PLCG2: variants seen among roughly 807,000 people sequenced by gnomAD.
PLCG2 encodes 1-phosphatidylinositol 4,5-bisphosphate phosphodiesterase gamma-2.
In PLCG2, 69 loss-of-function variants were observed where a neutral mutation model predicts 175.6. The ratio of observed to expected loss-of-function variants is 0.39; its 90% CI spans 0.32 to 0.48. The LOEUF (loss-of-function observed/expected upper bound fraction) is 0.48, where lower values mean the gene tolerates loss of function less well. Among genes scored for constraint, PLCG2 ranks in the 20% least tolerant of loss-of-function variants. The pLI, the probability that PLCG2 is intolerant of heterozygous loss-of-function variation, is 0.91. For synonymous variants in PLCG2, 827 were observed against 624.0 expected (o/e 1.33, Z -4.85); for missense variants, 1,798 against 1,650.9 (o/e 1.09, Z -1.54).
chr16:81,886,914 C>G (rs894608272), intron 9 of PLCG2, among the ~76,000 whole-genome samples: 1 of 152,148 alleles, frequency 6.6e-6, no homozygotes, highest in African/African-American at 2.4e-5. Context: ...GTGCAATACC[C>G]TACACCAAGT....
chr16:81,885,355 G>A (rs1908308524), intron 9 of PLCG2, among the ~76,000 whole-genome samples: 1 of 152,130 alleles, frequency 6.6e-6, no homozygotes, highest in African/African-American at 2.4e-5. Flanking sequence ...GTAGAAACAG[G>A]ATTTCCCCAT....
At chr16:81,900,458 G>T (rs2143629965) in intron 13 of PLCG2, among the ~76,000 whole-genome samples, 154 bp from the exon 14 acceptor site, 1 of 152,354 alleles carries the variant, frequency 6.6e-6, no homozygotes, top group African/African-American at 2.4e-5. Flanking sequence ...CCCAGGATGA[G>T]GTCCTCTCCT....
chr16:81,919,276 G>A (rs1045270937), intron 19 of PLCG2, among the ~76,000 whole-genome samples: 2 of 152,192 alleles, frequency 1.3e-5, no homozygotes, highest in African/African-American at 2.4e-5. Flanking sequence ...TATTTCTTCT[G>A]AGACACAGAT....
chr16:81,870,730 C>A, intron 6 of PLCG2, 122 bp from the exon 7 acceptor site: 1 of 550,060 alleles, frequency 1.8e-6, no homozygotes, highest in South Asian at 2.6e-5. Context: ...TCATAGCTGT[C>A]TCTTCAGCAT....
Position 81,769,415 on chromosome 16 carries a change from T to G in PLCG2, c.-48+13449T>G, listed in dbSNP as rs192634845. ...CGGATCCCTAGGCCCTGCCCCTACG[T>G]TCTGATTCAGTAAGGCCAATAACTC... is the stretch of plus-strand genomic sequence containing the variant. On this transcript the variant is annotated intron_variant, in intron 2 of 5. Transcript: ENST00000565054. Among the ~76,000 whole-genome samples, 26 of 152,282 alleles carry G rather than the reference T, an allele frequency of 1.7e-4. No homozygotes were observed. In the East Asian group the frequency reaches 4.8e-3, roughly 28 times the overall value.
intron 2 of PLCG2, among the ~76,000 whole-genome samples, chr16:81,852,345 C>T (rs940403123): frequency 1.3e-5 from 2 of 152,122 alleles, no homozygotes; most frequent in African/African-American, 2.4e-5. Flanking sequence ...TTCCCTGGCC[C>T]CTGCTGTCGC....
intron 2 of PLCG2, among the ~76,000 whole-genome samples, chr16:81,802,264 C>T (rs1433794101): frequency 6.6e-6 from 1 of 151,754 alleles, no homozygotes; most frequent in Non-Finnish European, 1.5e-5. Flanking sequence ...AGGCGCCCGC[C>T]ACCGCGCCCA....
In PLCG2 at chr16:81,807,216, C is replaced by T. The variant is rs181663081; in HGVS notation, c.193+21034C>T. ...GTCAGCTCCCCATGTCTTGTCCCAG[C>T]GGTGTCCTCCTCCTACATCAGGAGA... is the stretch of plus-strand genomic sequence containing the variant. On this transcript the variant is annotated intron_variant, in intron 2 of 32. Coordinates refer to ENST00000564138, the MANE Select transcript of PLCG2 (RefSeq NM_002661.5). Among the ~76,000 whole-genome samples the T allele has an allele frequency of 3.9e-3, 600 of 152,220 alleles. 4 individuals are homozygous for T. In the Middle Eastern group the frequency reaches 0.041, roughly 10 times the overall value.
At chr16:81,751,685 C>T (rs138306569) in intron 1 of PLCG2, among the ~76,000 whole-genome samples, 1 of 152,064 alleles carries the variant, frequency 6.6e-6, no homozygotes, top group Non-Finnish European at 1.5e-5. Flanking sequence ...TTAATTATTC[C>T]ACGTTGTATT....
At chr16:81,781,169 C>A (rs987017231) in intron 1 of PLCG2, among the ~76,000 whole-genome samples, 1 of 152,174 alleles carries the variant, frequency 6.6e-6, no homozygotes, top group South Asian at 2.1e-4. Flanking sequence ...TCCCAGCCTC[C>A]GATAAATAGT....
chr16:81,840,476 C>T (rs965704666), intron 2 of PLCG2, among the ~76,000 whole-genome samples: 3 of 152,134 alleles, frequency 2.0e-5, no homozygotes, highest in East Asian at 1.9e-4. Flanking sequence ...TACAACTCAC[C>T]GTAATATAGA....
chr16:81,820,214 CAT>C (rs753717555), intron 2 of PLCG2, among the ~76,000 whole-genome samples: 5 of 152,184 alleles, frequency 3.3e-5, no homozygotes, highest in African/African-American at 4.8e-5. Flanking sequence ...CATTTTGACA[CAT>C]GTGTAGACAT....
In PLCG2 at chr16:81,899,188, C is replaced by T. The variant is rs141005933; in HGVS notation, c.1194-1424C>T. On this transcript the variant is annotated intron_variant, in intron 13 of 32. Coordinates refer to ENST00000564138, the MANE Select transcript of PLCG2 (RefSeq NM_002661.5). ...CGGGCAATGAGTGAAACTCCATTTCCAAAAGAAAAATAAATAAATAAAATA... is the reference window on the plus strand; with the variant it reads ...CGGGCAATGAGTGAAACTCCATTTCTAAAAGAAAAATAAATAAATAAAATA... Among the ~76,000 whole-genome samples, 568 of 150,006 alleles carry T rather than the reference C, an allele frequency of 3.8e-3. 1 individual carries two copies. The highest frequency in any genetic ancestry group is 6.0e-3 in the Non-Finnish European group (408 of 67,618).
chr16:81,829,156 T>C (rs1340145368), intron 2 of PLCG2, among the ~76,000 whole-genome samples: 1 of 152,212 alleles, frequency 6.6e-6, no homozygotes, highest in Non-Finnish European at 1.5e-5. Flanking sequence ...TCACCCAGGC[T>C]GGAGTGCAGT....
chr16:81,905,327 C>A (rs1909318579), intron 14 of PLCG2, 76 bp from the exon 15 acceptor site: 1 of 942,290 alleles, frequency 1.1e-6, no homozygotes, highest in Non-Finnish European at 1.7e-6. Context: ...TGGGAAGAGG[C>A]AGATGAAGGC....
rs1400033523 is a variant in PLCG2, at chr16:81,883,346, G to C, written c.765+5G>C. The C allele has an allele frequency of 1.2e-6, 2 of 1,612,846 alleles. No homozygotes were observed. The highest frequency in any genetic ancestry group is 1.7e-6 in the Non-Finnish European group (2 of 1,179,124). On this transcript the variant is annotated splice_donor_5th_base_variant and intron_variant, in intron 9 of 32. Transcript: ENST00000564138. ...TTTCTCATACATGAACAGCAGGTGA[G>C]AGCACAAGGTGTGTGGGTGCCTGAG...
chr16:81,958,153 G>T lies in PLCG2; in HGVS notation c.*155G>T. 1.6e-6 allele frequency: 1 copy of T among 617,222 alleles called. No individual in the cohort carries two copies. Among genetic ancestry groups the T allele is most frequent in the Non-Finnish European group, 3.0e-6 (1 of 336,400 alleles). The allele number at this position is 617,222 out of a possible 1,614,324, so 38.2% of individuals were successfully genotyped here. On this transcript the variant is annotated 3_prime_UTR_variant, in exon 33 of 33. Coordinates refer to ENST00000564138, the MANE Select transcript of PLCG2 (RefSeq NM_002661.5). Reference sequence around the variant, plus strand: ...ACATTTCTTAAGACCCAACTGGCATGAGTTGGGGTAATTTCCTATTATTTT... The same window carrying T: ...ACATTTCTTAAGACCCAACTGGCATTAGTTGGGGTAATTTCCTATTATTTT...
At chr16:81,845,794 C>G (rs531727029) in intron 2 of PLCG2, among the ~76,000 whole-genome samples, 1 of 152,160 alleles carries the variant, frequency 6.6e-6, no homozygotes, top group African/African-American at 2.4e-5. Flanking sequence ...AAATGCCCAC[C>G]GACCCCCTCA....
intron 1 of PLCG2, among the ~76,000 whole-genome samples, chr16:81,782,458 C>G (rs950457613): frequency 6.6e-6 from 1 of 152,102 alleles, no homozygotes; most frequent in Non-Finnish European, 1.5e-5. Flanking sequence ...CTGGTGCTCT[C>G]TCCTGGGCTC....
Sources: gnomAD v4.1 joint callset for allele counts (sites outside exome capture counted in the v4.1 genomes callset) on GRCh38, gnomAD v4.1.1 for gene constraint, MANE v1.5 for transcripts, NCBI Gene and HGNC (gene_info 2026-07-23, HGNC 2026-07-21) for gene names.